RFC4: variants seen among roughly 807,000 people sequenced by gnomAD.
The protein encoded by RFC4 is A1 37 kDa subunit.
In RFC4, 38 loss-of-function variants were observed where a neutral mutation model predicts 47.6. The observed-to-expected ratio is 0.80, with a 90% CI of 0.62 to 1.05. RFC4 has a LOEUF of 1.05. RFC4 is among the 50% of genes least tolerant of loss of function. The pLI, the probability that RFC4 is intolerant of heterozygous loss-of-function variation, is 0.00. For missense variants in RFC4, 489 were observed against 434.0 expected, an observed-to-expected ratio of 1.13 and a Z score of -1.13; for synonymous variants, 164 against 150.0, an observed-to-expected ratio of 1.09 and a Z score of -0.68.
intron 3 of RFC4, among the ~76,000 whole-genome samples, chr3:186,798,508 G>C (rs1030157792): frequency 6.6e-6 from 1 of 151,904 alleles, no homozygotes; most frequent in Non-Finnish European, 1.5e-5. Flanking sequence ...CACTCTGCTT[G>C]CTACTTAAAA....
intron 10 of RFC4, 29 bp downstream of exon 10, chr3:186,790,113 C>T: frequency 1.2e-6 from 2 of 1,603,050 alleles, no homozygotes; most frequent in Non-Finnish European, 1.7e-6. Flanking sequence ...GTTAAATGTT[C>T]CATTGACATG....
rs770919197 is a variant in RFC4 at position 186,792,536 on chromosome 3, C to T, written c.629G>A (p.Arg210Gln). 41 of 1,613,198 alleles carry T rather than the reference C, an allele frequency of 2.5e-5. No individual in the cohort carries two copies. Among genetic ancestry groups the T allele is most frequent in the Non-Finnish European group, 3.3e-5 (39 of 1,179,364 alleles). The part of the protein sequence containing the change: ...KPLSDKIQQQ[R>Q]LLDIAKKENV... ...TTCCTTCTTGGCAATGTCTAGTAAT[C>T]GCTGCTGTTGAATTTTATCTGACAG... The change falls in exon 7 of 11, where the codon CGA (arginine) becomes CAA (glutamine). Residue 210 changes from arginine (R) to glutamine (Q), a missense_variant. Arg to Gln is a conservative substitution (Grantham distance 43). Transcript: ENST00000296273.
intron 2 of RFC4, among the ~76,000 whole-genome samples, chr3:186,801,759 G>A (rs148346769): frequency 6.6e-6 from 1 of 150,640 alleles, no homozygotes; most frequent in Non-Finnish European, 1.5e-5. Context: ...GGGTGCGATG[G>A]CTCACACTAA....
intron 3 of RFC4, among the ~76,000 whole-genome samples, chr3:186,800,761 T>C (rs1246045450): frequency 6.6e-6 from 1 of 152,214 alleles, no homozygotes; most frequent in African/African-American, 2.4e-5. Context: ...TTACTACCTA[T>C]AATTATTTAT....
intron 1 of RFC4, 76 bp from the exon 2 acceptor site, chr3:186,804,800 G>A: frequency 7.3e-7 from 1 of 1,378,688 alleles, no homozygotes; most frequent in Non-Finnish European, 1.0e-6. Context: ...GGAAAGCGGG[G>A]GTGGTGGTGG....
chr3:186,799,056 G>C (rs534870607), intron 3 of RFC4, among the ~76,000 whole-genome samples: 3 of 152,198 alleles, frequency 2.0e-5, no homozygotes, highest in Non-Finnish European at 4.4e-5. Flanking sequence ...AACCTCCCAG[G>C]CTTCTTAGTA....
intron 4 of RFC4, among the ~76,000 whole-genome samples, chr3:186,795,562 A>G (rs1180170680): frequency 6.6e-6 from 1 of 152,134 alleles, no homozygotes; most frequent in Non-Finnish European, 1.5e-5. Flanking sequence ...TGGGAGGCCG[A>G]GGCGGGTGGA....
intron 5 of RFC4, among the ~76,000 whole-genome samples, chr3:186,794,300 C>T (rs1419438918): frequency 6.6e-6 from 1 of 152,194 alleles, no homozygotes; most frequent in Non-Finnish European, 1.5e-5. Context: ...GTCCACCTCC[C>T]AGTCTTCATT....
intron 7 of RFC4, 51 bp downstream of exon 7, chr3:186,792,439 C>G: frequency 6.6e-7 from 1 of 1,518,614 alleles, no homozygotes; most frequent in Non-Finnish European, 9.1e-7. Flanking sequence ...TCTTTATATG[C>G]ATTCATCAAA....
rs1230578949 is a variant in RFC4 at position 186,789,970 on chromosome 3, T to TAACAATTCTGAGATAACTGC, written c.1071_1090dup (p.Ter364CysfsTer18). 6.3e-7 allele frequency: 1 copy of TAACAATTCTGAGATAACTGC among 1,594,148 alleles called. No individual in the cohort carries two copies. The highest frequency in any genetic ancestry group is 8.6e-7 in the Non-Finnish European group (1 of 1,162,500). On this transcript the variant is annotated frameshift_variant and stop_lost, in exon 11 of 11. Transcript: ENST00000296273. LOFTEE classifies it high-confidence loss of function. ...ACCCCCCATCCAGATATATTCACGT[T>TAACAATTCTGAGATAACTGC]AACAATTCTGAGATAACTGCTGCAT...
In RFC4 at chr3:186,793,930, G is replaced by A. The variant is rs1235786387; in HGVS notation, c.410+728C>T. 6.6e-6 allele frequency among the ~76,000 whole-genome samples: 1 copy of A among 152,080 alleles called. No individual in the cohort carries two copies. The highest frequency in any genetic ancestry group is 2.1e-4 in the South Asian group (1 of 4,822). ...GTAGAGATGGGGTTTCACCATGTTC[G>A]CCAGGATGGTCTCGATCTCCTGACC... On this transcript the variant is annotated intron_variant, in intron 5 of 10. Transcript: ENST00000296273. This position sits in a 1 kb window ranked among gnomAD's most constrained non-coding sequence, Gnocchi z 4.2.
chr3:186,800,252 C>T (rs993207699), intron 3 of RFC4, among the ~76,000 whole-genome samples: 38 of 151,852 alleles, frequency 2.5e-4, no homozygotes, highest in African/African-American at 9.0e-4. Context: ...CCACTGTGGC[C>T]GGCCAAAAAG....
chr3:186,801,271 T>C lies in RFC4; in HGVS notation c.132-76A>G. 6.8e-6 allele frequency: 7 copies of C among 1,028,902 alleles called. No individual in the cohort carries two copies. The South Asian group carries it at 9.2e-5, about 14-fold the overall frequency. 63.7% of individuals were successfully genotyped at this position (1,028,902 alleles called of 1,614,324 possible). ...ACAGAAAACTCTCAAGTGTTCCTTCTACTAAAATACCAATGACCATTCTTA... is the reference window on the plus strand; with the variant it reads ...ACAGAAAACTCTCAAGTGTTCCTTCCACTAAAATACCAATGACCATTCTTA... On this transcript the variant is annotated intron_variant, in intron 2 of 10. Transcript: ENST00000296273.
At chr3:186,799,877 A>G (rs563326237) in intron 3 of RFC4, among the ~76,000 whole-genome samples, 5 of 152,316 alleles carry the variant, frequency 3.3e-5, no homozygotes, top group African/African-American at 7.2e-5. Flanking sequence ...AGCAGAATAT[A>G]CCAAAAAATA....
chr3:186,790,493 T>C, intron 8 of RFC4, 87 bp from the exon 9 acceptor site: 1 of 908,918 alleles, frequency 1.1e-6, no homozygotes, highest in Non-Finnish European at 1.8e-6. Context: ...CCCCCAGTCA[T>C]TTCTGTTCCA....
chr3:186,794,609 A>G lies in RFC4; in HGVS notation c.410+49T>C, dbSNP rs531701450. ...GGCTGAGGAGCGATGGCAGAAATAC[A>G]TATTTAAAATAATACATGCTATGGA... is the stretch of plus-strand genomic sequence containing the variant. On this transcript the variant is annotated intron_variant, in intron 5 of 10. Transcript: ENST00000296273. 4.7e-5 allele frequency: 73 copies of G among 1,562,266 alleles called. No individual in the cohort carries two copies. The South Asian group carries it at 8.0e-4, about 17-fold the overall frequency.
intron 8 of RFC4, chr3:186,791,339 A>G (rs1157557125): frequency 3.9e-6 from 1 of 254,744 alleles, no homozygotes; most frequent in Non-Finnish European, 7.9e-6. Context: ...AAATATACAA[A>G]TTAGCTGGGC....
In RFC4 at chr3:186,792,960, A is replaced by G; in HGVS notation, c.411-13T>C. 6.2e-7 allele frequency: 1 copy of G among 1,609,390 alleles called. No homozygotes were observed. Among genetic ancestry groups the G allele is most frequent in the Non-Finnish European group, 8.5e-7 (1 of 1,178,036 alleles). On this transcript the variant is annotated splice_polypyrimidine_tract_variant and intron_variant, in intron 5 of 10. Coordinates refer to ENST00000296273, the MANE Select transcript of RFC4 (RefSeq NM_002916.5). Reference sequence around the variant, plus strand: ...ACACGGCTTCCCACTGATTCAGAGAAACACATAAGAGTTGAACATTAATAT... The same window carrying G: ...ACACGGCTTCCCACTGATTCAGAGAGACACATAAGAGTTGAACATTAATAT...
At position 186,801,842 on chromosome 3, in the gene RFC4, G is replaced by A. The variant is rs149305203; in HGVS notation, c.132-647C>T. Among the ~76,000 whole-genome samples, 442 of 151,306 alleles carry A rather than the reference G, an allele frequency of 2.9e-3. 3 individuals are homozygous for A. Among genetic ancestry groups the A allele is most frequent in the Non-Finnish European group, 4.6e-3 (313 of 67,812 alleles). ...AGTTCAAGACCAGCCTGACCAACAC[G>A]GAGAAACACTGTCTCTACTAAAAAT... is the stretch of plus-strand genomic sequence containing the variant. On this transcript the variant is annotated intron_variant, in intron 2 of 10. Coordinates refer to ENST00000296273, the MANE Select transcript of RFC4 (RefSeq NM_002916.5).
Sources: allele counts gnomAD v4.1 joint callset (sites outside exome capture counted in the v4.1 genomes callset), GRCh38; gene constraint gnomAD v4.1.1; non-coding constraint Gnocchi (gnomAD v3.1); transcripts MANE v1.5; gene names NCBI Gene and HGNC (gene_info 2026-07-23, HGNC 2026-07-21).